The following ERBB4 variants were observed in gnomAD, a reference collection of about 807,000 sequenced individuals.
ERBB4 encodes receptor tyrosine-protein kinase erbB-4.
ERBB4 carries 42 observed loss-of-function variants against 158.0 expected under a neutral mutation model. That is an observed-to-expected ratio of 0.27 (90% CI 0.21 to 0.34). The LOEUF (loss-of-function observed/expected upper bound fraction) is 0.34. Ranked by LOEUF, ERBB4 falls within the 10% of genes least tolerant of loss-of-function variation. The pLI, the probability that ERBB4 is intolerant of heterozygous loss-of-function variation, is 1.00. For missense variants in ERBB4, 1,333 were observed against 1,624.1 expected (o/e 0.82, Z 3.08); for synonymous variants, 583 against 558.7 (o/e 1.04, Z -0.61).
chr2:212,395,542 G>A (rs556051712), intron 1 of ERBB4, among the ~76,000 whole-genome samples: 6 of 151,072 alleles, frequency 4.0e-5, no homozygotes, highest in African/African-American at 1.5e-4. Flanking sequence ...ATACCTTTAT[G>A]CTTACCGCTA....
At chr2:211,485,071 T>C (rs886445227) in intron 20 of ERBB4, among the ~76,000 whole-genome samples, 1 of 152,134 alleles carries the variant, frequency 6.6e-6, no homozygotes, top group Non-Finnish European at 1.5e-5. Flanking sequence ...GGCCAGAGTA[T>C]TGGAAGGACT....
chr2:211,883,613 C>T (rs2106157636), intron 3 of ERBB4, among the ~76,000 whole-genome samples: 1 of 152,022 alleles, frequency 6.6e-6, no homozygotes, highest in East Asian at 1.9e-4. Flanking sequence ...GAAAGAAACC[C>T]TGTCTCCACT....
At chr2:212,029,628 G>C (rs955618013) in intron 2 of ERBB4, among the ~76,000 whole-genome samples, 3 of 152,118 alleles carry the variant, frequency 2.0e-5, no homozygotes, top group African/African-American at 7.2e-5. Flanking sequence ...TCTATAATTT[G>C]CAATATCTGA....
At chr2:211,636,832 G>A (rs969377504) in intron 16 of ERBB4, among the ~76,000 whole-genome samples, 2 of 150,908 alleles carry the variant, frequency 1.3e-5, no homozygotes, top group African/African-American at 4.9e-5. Flanking sequence ...TTCATTTTTA[G>A]TAGATTATTT....
At chr2:212,239,634 A>T (rs1035386943) in intron 1 of ERBB4, among the ~76,000 whole-genome samples, 1 of 152,182 alleles carries the variant, frequency 6.6e-6, no homozygotes. Flanking sequence ...AATCTATTCA[A>T]AGTACTTCCT....
intron 3 of ERBB4, among the ~76,000 whole-genome samples, chr2:211,814,722 G>A (rs114587770): frequency 0.04 from 6,052 of 152,146 alleles, 169 homozygotes; most frequent in African/African-American, 0.074. Flanking sequence ...CACTTATCTG[G>A]TAAATCATAG....
At chr2:212,188,760 C>T (rs1047111678) in intron 1 of ERBB4, among the ~76,000 whole-genome samples, 2 of 151,710 alleles carry the variant, frequency 1.3e-5, no homozygotes, top group Admixed American at 1.3e-4. Flanking sequence ...GGTCATCTTC[C>T]TTCAAGATTC....
chr2:211,676,548 AC>A, intron 13 of ERBB4, among the ~76,000 whole-genome samples: 1 of 151,898 alleles, frequency 6.6e-6, no homozygotes, highest in East Asian at 1.9e-4. Flanking sequence ...TTAAATAAAA[AC>A]AATGGTGTTC....
At chr2:211,413,494 A>G (rs1292234130) in intron 25 of ERBB4, among the ~76,000 whole-genome samples, 1 of 152,130 alleles carries the variant, frequency 6.6e-6, no homozygotes, top group Non-Finnish European at 1.5e-5. Flanking sequence ...AGATACCACC[A>G]TGTCAAGCCA....
intron 7 of ERBB4, among the ~76,000 whole-genome samples, chr2:211,714,901 G>C (rs770573871): frequency 6.6e-6 from 1 of 152,148 alleles, no homozygotes; most frequent in Non-Finnish European, 1.5e-5. Flanking sequence ...CACTGGGCTG[G>C]CCCCTCTCAG....
At chr2:211,503,337 CCA>C (rs1285397094) in intron 20 of ERBB4, among the ~76,000 whole-genome samples, 1 of 152,094 alleles carries the variant, frequency 6.6e-6, no homozygotes, top group Non-Finnish European at 1.5e-5. Flanking sequence ...ACTGAGCTGG[CCA>C]CATTCACATG....
intron 20 of ERBB4, among the ~76,000 whole-genome samples, chr2:211,537,934 T>A (rs1466704626): frequency 2.0e-5 from 3 of 151,964 alleles, no homozygotes; most frequent in Non-Finnish European, 2.9e-5. Flanking sequence ...TGAAATTTTA[T>A]ATGTGCACCT....
intron 20 of ERBB4, among the ~76,000 whole-genome samples, chr2:211,528,462 A>G (rs1313260499): frequency 6.6e-6 from 1 of 152,056 alleles, no homozygotes; most frequent in Non-Finnish European, 1.5e-5. Context: ...CAGACAGAAA[A>G]TCAACAAAGA....
At chr2:212,050,695 T>C (rs1378153766) in intron 2 of ERBB4, among the ~76,000 whole-genome samples, 1 of 152,228 alleles carries the variant, frequency 6.6e-6, no homozygotes, top group Non-Finnish European at 1.5e-5. Flanking sequence ...TTATCTGTGC[T>C]AGTATGGAAA....
intron 1 of ERBB4, among the ~76,000 whole-genome samples, chr2:212,477,711 C>T (rs374116903): frequency 1.3e-5 from 2 of 152,006 alleles, no homozygotes; most frequent in Non-Finnish European, 2.9e-5. Context: ...TGTTCAGAGG[C>T]GAGATGAAGG....
intron 3 of ERBB4, among the ~76,000 whole-genome samples, chr2:211,883,187 T>A (rs1182306589): frequency 1.3e-5 from 2 of 152,138 alleles, no homozygotes; most frequent in Non-Finnish European, 2.9e-5. Flanking sequence ...CTCAGCAAAC[T>A]ATCGCAAGGA....
chr2:212,287,387 C>T (rs1263929499), intron 1 of ERBB4, among the ~76,000 whole-genome samples: 2 of 152,110 alleles, frequency 1.3e-5, no homozygotes, highest in African/African-American at 4.8e-5. Flanking sequence ...GTAAGTATAA[C>T]TTTTGATAAT....
chr2:212,049,735 G>T (rs555340491), intron 2 of ERBB4, among the ~76,000 whole-genome samples: 1 of 152,264 alleles, frequency 6.6e-6, no homozygotes, highest in East Asian at 1.9e-4. Context: ...ACATTGCTGG[G>T]CAGAATAACT....
chr2:211,527,277 AG>A, intron 20 of ERBB4, among the ~76,000 whole-genome samples: 1 of 152,226 alleles, frequency 6.6e-6, no homozygotes, highest in East Asian at 1.9e-4. Flanking sequence ...ACAGGCCAGG[AG>A]GGAGTGGCAT....
Sources: gnomAD v4.1 joint callset for allele counts (sites outside exome capture counted in the v4.1 genomes callset) on GRCh38, gnomAD v4.1.1 for gene constraint, MANE v1.5 for transcripts, NCBI Gene and HGNC (gene_info 2026-07-23, HGNC 2026-07-21) for gene names.